Variants in TIAM2 observed in about 807,000 individuals in gnomAD.
TIAM2 encodes the protein rho guanine nucleotide exchange factor TIAM2.
Under a neutral mutation model 152.9 loss-of-function variants are expected in TIAM2, and 80 were observed. The ratio of observed to expected loss-of-function variants is 0.52; its 90% CI spans 0.44 to 0.63. The LOEUF (loss-of-function observed/expected upper bound fraction) is 0.63. Among genes scored for constraint, TIAM2 ranks in the 30% least tolerant of loss-of-function variants. The probability of loss-of-function intolerance (pLI) is 0.00; values close to 1 mark genes in which losing one functional copy is unlikely to be tolerated. For synonymous variants in TIAM2, 804 were observed against 838.0 expected (o/e 0.96, Z 0.70); for missense variants, 1,965 against 2,120.1 (o/e 0.93, Z 1.44).
In TIAM2 at chr6:155,231,439, G is replaced by A. The variant is rs573900196; in HGVS notation, c.3169-9091G>A. 8.7e-4 allele frequency among the ~76,000 whole-genome samples: 133 copies of A among 152,206 alleles called. 1 individual carries two copies. The highest frequency in any genetic ancestry group is 1.3e-3 in the Non-Finnish European group (87 of 68,032). On this transcript the variant is annotated intron_variant, in intron 15 of 26. Transcript: ENST00000682666. Reference sequence around the variant, plus strand: ...ATACAATTTCCCTGGAGTATTTAGTGTATCACTATAAAATGAATGGTTTGT... The same window carrying A: ...ATACAATTTCCCTGGAGTATTTAGTATATCACTATAAAATGAATGGTTTGT...
intron 1 of TIAM2, among the ~76,000 whole-genome samples, chr6:155,059,294 CTGTGTGTGTGTG>C (rs56013145): frequency 8.5e-5 from 10 of 117,304 alleles, no homozygotes; most frequent in African/African-American, 2.8e-4. Context: ...GTGTGTGTGT[CTGTGTGTGTGTG>C]TGTGTGTGTG....
intron 1 of TIAM2, among the ~76,000 whole-genome samples, chr6:155,065,034 C>T (rs1777660934): frequency 6.6e-6 from 1 of 152,126 alleles, no homozygotes; most frequent in Non-Finnish European, 1.5e-5. Context: ...CAGCTCACTG[C>T]AACCTCCACC....
intron 1 of TIAM2, among the ~76,000 whole-genome samples, chr6:155,033,904 A>G (rs908940709): frequency 7.9e-5 from 12 of 151,970 alleles, no homozygotes. Context: ...TTTAGTAGAG[A>G]CGGGGTTTCA....
At position 155,144,034 on chromosome 6, in the gene TIAM2, A is replaced by G. The variant is rs549993809; in HGVS notation, c.1631-572A>G. 2.6e-5 allele frequency among the ~76,000 whole-genome samples: 4 copies of G among 152,274 alleles called. No homozygotes were observed. The South Asian group carries it at 8.3e-4, about 32-fold the overall frequency. ...AAAGTGCTGGATGATTACGTGATTG[A>G]CAGTTCCCCTGCCTGCTCCTTTTCC... is the stretch of plus-strand genomic sequence containing the variant. On this transcript the variant is annotated intron_variant, in intron 5 of 26. Transcript: ENST00000682666.
intron 7 of TIAM2, among the ~76,000 whole-genome samples, chr6:155,148,548 C>T (rs1358493601): frequency 6.6e-6 from 1 of 152,062 alleles, no homozygotes; most frequent in Non-Finnish European, 1.5e-5. Flanking sequence ...TGACCTTTGG[C>T]GGCTCTATGT....
chr6:155,019,945 T>A (rs914394402), intron 1 of TIAM2, among the ~76,000 whole-genome samples: 3 of 151,934 alleles, frequency 2.0e-5, no homozygotes, highest in Non-Finnish European at 4.4e-5. Context: ...CCCGGCTACT[T>A]GGGAGGCTGA....
intron 1 of TIAM2, among the ~76,000 whole-genome samples, chr6:155,031,701 G>C (rs1776823434): frequency 6.6e-6 from 1 of 152,130 alleles, no homozygotes. Context: ...TCCAGCCTGG[G>C]CACAGAGTGT....
At chr6:155,203,048 CAAAAAA>C (rs59836931) in intron 14 of TIAM2, among the ~76,000 whole-genome samples, 11 of 78,878 alleles carry the variant, frequency 1.4e-4, no homozygotes, top group African/African-American at 5.4e-4. Context: ...AACTCTGTCT[CAAAAAA>C]AAAAAAAAAA....
At chr6:155,027,966 T>C (rs558052039) in intron 1 of TIAM2, among the ~76,000 whole-genome samples, 2 of 125,386 alleles carry the variant, frequency 1.6e-5, no homozygotes, top group African/African-American at 3.3e-5. Context: ...ATATATACTA[T>C]ATATAATATA....
At chr6:155,093,679 G>C (rs963877772) in intron 2 of TIAM2, among the ~76,000 whole-genome samples, 2 of 152,172 alleles carry the variant, frequency 1.3e-5, no homozygotes, top group Admixed American at 1.3e-4. Context: ...GGCCGGATGT[G>C]GTGTCTGACG....
chr6:155,033,381 G>A (rs1267405980), intron 1 of TIAM2, among the ~76,000 whole-genome samples: 1 of 152,144 alleles, frequency 6.6e-6, no homozygotes, highest in Non-Finnish European at 1.5e-5. Context: ...GTCCTGTTTT[G>A]CTTTTGAGCA....
chr6:155,045,872 T>TTTTTTG (rs1777163708), intron 1 of TIAM2, among the ~76,000 whole-genome samples: 1 of 114,630 alleles, frequency 8.7e-6, no homozygotes. Flanking sequence ...GGTTTTTGTT[T>TTTTTTG]GTTTGTTTTA....
In TIAM2 at chr6:155,257,395, ATAAT is replaced by A. The variant is rs910730306; in HGVS notation, c.*278_*281del. On this transcript the variant is annotated 3_prime_UTR_variant, in exon 27 of 27. Transcript: ENST00000682666. ...TTAGGATCCTTAAAATTACATTCTA[ATAAT>A]TAAGTTATGTGGAAAAAGTAAGGCT... 9.9e-6 allele frequency: 4 copies of A among 403,524 alleles called. No individual in the cohort carries two copies. The highest frequency in any genetic ancestry group is 1.8e-5 in the Non-Finnish European group (4 of 227,894). 25.0% of individuals were successfully genotyped at this position (403,524 alleles called of 1,614,324 possible).
Position 155,084,902 on chromosome 6 carries a change from G to A in TIAM2, c.-208-5387G>A, listed in dbSNP as rs557971134. Among the ~76,000 whole-genome samples, 31 of 152,212 alleles carry A rather than the reference G, an allele frequency of 2.0e-4. No individual in the cohort carries two copies. In the South Asian group the frequency reaches 5.6e-3, roughly 28 times the overall value. ...AGGCTGGTGAAAATTGTTATTTAAG[G>A]CATACCACATTATGATGTAGTCTTA... On this transcript the variant is annotated intron_variant, in intron 1 of 26. Transcript: ENST00000682666.
chr6:155,103,073 A>T (rs1213366927), intron 2 of TIAM2, among the ~76,000 whole-genome samples: 1 of 152,142 alleles, frequency 6.6e-6, no homozygotes, highest in Non-Finnish European at 1.5e-5. Context: ...GTCCTGTTAT[A>T]TTATTATCTC....
At chr6:155,110,909 T>G (rs531456655) in intron 2 of TIAM2, among the ~76,000 whole-genome samples, 2 of 152,230 alleles carry the variant, frequency 1.3e-5, no homozygotes, top group Non-Finnish European at 2.9e-5. Flanking sequence ...ATCCTGGGTA[T>G]TGTTCAAGCA....
At chr6:155,188,912 C>T (rs545811662) in intron 14 of TIAM2, among the ~76,000 whole-genome samples, 21 of 152,154 alleles carry the variant, frequency 1.4e-4, no homozygotes, top group East Asian at 3.8e-4. Flanking sequence ...TCCATTTAGA[C>T]GATGTAAATC....
intron 15 of TIAM2, among the ~76,000 whole-genome samples, chr6:155,229,340 TAGA>T (rs1319656532): frequency 6.6e-6 from 1 of 152,182 alleles, no homozygotes; most frequent in Non-Finnish European, 1.5e-5. Flanking sequence ...CTTGTAAAAA[TAGA>T]AGAACTTGAG....
chr6:155,123,699 C>T lies in TIAM2; in HGVS notation c.-117-3791C>T, dbSNP rs537417472. On this transcript the variant is annotated intron_variant, in intron 2 of 26. Coordinates refer to ENST00000682666, the MANE Select transcript of TIAM2 (RefSeq NM_012454.4). ...TGGCTGACACAGTCGGCCACTCAAT[C>T]GCAGTTTTGTCCGCTGGTTTTGGCG... Among the ~76,000 whole-genome samples, 189 of 152,286 alleles carry T rather than the reference C, an allele frequency of 1.2e-3. 3 individuals are homozygous for T. Among genetic ancestry groups the T allele is most frequent in the African/African-American group, 4.2e-3 (174 of 41,568 alleles).
Sources: gnomAD v4.1 joint callset for allele counts (sites outside exome capture counted in the v4.1 genomes callset) on GRCh38, gnomAD v4.1.1 for gene constraint, MANE v1.5 for transcripts, NCBI Gene and HGNC (gene_info 2026-07-23, HGNC 2026-07-21) for gene names.